The following PPRC1 variants were observed in gnomAD, a reference collection of about 807,000 sequenced individuals.
PPRC1 encodes PPARG related coactivator 1.
In PPRC1, 23 loss-of-function variants were observed where a neutral mutation model predicts 132.5. The observed-to-expected ratio is 0.17, with a 90% confidence interval of 0.12 to 0.25. The LOEUF (loss-of-function observed/expected upper bound fraction) is 0.25, where lower values mean the gene tolerates loss of function less well. Among genes scored for constraint, PPRC1 ranks in the 10% least tolerant of loss-of-function variants. The pLI is 1.00. For missense variants in PPRC1, 2,006 were observed against 2,089.1 expected (o/e 0.96, Z 0.78); for synonymous variants, 872 against 833.5 (o/e 1.05, Z -0.80).
chr10:102,148,849 A>G lies in PPRC1; in HGVS notation c.4650A>G (p.Ile1550Met). The change falls in exon 12 of 14, where the codon ATA becomes ATG. Residue 1550 changes from isoleucine to methionine, a missense_variant. Around this residue, in one of 2 missense-constraint regions of PPRC1, gnomAD observed 92 missense variants for 171.9 expected, o/e 0.54. Coordinates refer to ENST00000278070, the MANE Select transcript of PPRC1 (RefSeq NM_015062.5). The surrounding 1 kb of genome is among the most constrained non-coding windows in gnomAD (Gnocchi z 4.2). ...EERRVVFIGK[I>M]PGRMTRSELK... ...GAAGGGTGGTCTTCATTGGAAAGAT[A>G]CCTGGCCGCATGACTCGATCAGAGC... 1 of 1,614,086 alleles carries G rather than the reference A, an allele frequency of 6.2e-7. No individual in the cohort carries two copies. The highest frequency in any genetic ancestry group is 1.1e-5 in the South Asian group (1 of 91,072).
At chr10:102,127,552 A>G in the PPRC1 span, among the ~76,000 whole-genome samples, 11 of 151,044 alleles carry the variant, frequency 7.3e-5, no homozygotes, top group African/African-American at 2.5e-4. Flanking sequence ...GATTACAGGC[A>G]AGTGCTACCA....
chr10:102,121,142 G>T, the PPRC1 span, among the ~76,000 whole-genome samples: 1 of 152,122 alleles, frequency 6.6e-6, no homozygotes, highest in East Asian at 1.9e-4. Context: ...TGTTTTGCTG[G>T]GGGGAGGGGG....
intron 6 of PPRC1, among the ~76,000 whole-genome samples, chr10:102,143,827 T>C (rs927542246): frequency 3.3e-5 from 5 of 152,196 alleles, no homozygotes; most frequent in South Asian, 4.1e-4. Context: ...ATGTAGGTGC[T>C]ATGGAGGACA....
chr10:102,139,202 C>A lies in PPRC1; in HGVS notation c.694C>A (p.Pro232Thr). The change falls in exon 5 of 14, where the codon CCA (proline) becomes ACA (threonine). Residue 232 changes from proline to threonine, a missense_variant. Physicochemically the swap from Pro to Thr is conservative, Grantham distance 38 (BLOSUM62 -1). Transcript: ENST00000278070. ...LPSWRPPRSR[P>T]RWGQSPPPQQ... ...TAGCTGGAGACCCCCAAGATCAAGACCACGCTGGGGCCAATCCCCACCTCC... is the reference window on the plus strand; with the variant it reads ...TAGCTGGAGACCCCCAAGATCAAGAACACGCTGGGGCCAATCCCCACCTCC... 6.2e-7 allele frequency: 1 copy of A among 1,614,166 alleles called. No homozygotes were observed. Among genetic ancestry groups the A allele is most frequent in the Non-Finnish European group, 8.5e-7 (1 of 1,180,024 alleles).
intron 9 of PPRC1, among the ~76,000 whole-genome samples, chr10:102,147,720 A>G (rs1015151150): frequency 8.6e-5 from 13 of 152,030 alleles, no homozygotes; most frequent in African/African-American, 2.2e-4. Context: ...TCTGGGCGCT[A>G]TGTGAGGTAG....
Position 102,139,640 on chromosome 10 carries a change from G to C in PPRC1, c.1132G>C (p.Asp378His). The C allele has an allele frequency of 6.2e-7, 1 of 1,614,004 alleles. No individual in the cohort carries two copies. Among genetic ancestry groups the C allele is most frequent in the Non-Finnish European group, 8.5e-7 (1 of 1,180,030 alleles). The change falls in exon 5 of 14, where the codon GAT becomes CAT. Residue 378 changes from aspartate (D) to histidine (H), a missense_variant. Around this residue, in one of 2 missense-constraint regions of PPRC1, gnomAD observed 1,914 missense variants for 1,917.2 expected, o/e 1.00. Coordinates refer to ENST00000278070, the MANE Select transcript of PPRC1 (RefSeq NM_015062.5). ...TCCTGGACCCCGGCCTGTGCTCCTG[G>C]ATGACTCGCTAGAGACTAGTTCTGC... is the stretch of plus-strand genomic sequence containing the variant. ...VSPGPRPVLL[D>H]DSLETSSALQ...
At chr10:102,125,485 C>G in the PPRC1 span, among the ~76,000 whole-genome samples, 1 of 152,002 alleles carries the variant, frequency 6.6e-6, no homozygotes, top group Non-Finnish European at 1.5e-5. Flanking sequence ...ATCTCGATCT[C>G]TTGACCTCAT....
chr10:102,120,718 G>T, the PPRC1 span, among the ~76,000 whole-genome samples: 4 of 152,314 alleles, frequency 2.6e-5, no homozygotes, highest in East Asian at 1.9e-4. Context: ...GGGCGAAGGG[G>T]AGGGCTTGGA....
At chr10:102,129,750 A>AG (rs1361941944), upstream of PPRC1, among the ~76,000 whole-genome samples, 2 of 152,046 alleles carry the variant, frequency 1.3e-5, no homozygotes, top group Non-Finnish European at 2.9e-5. Context: ...GATTACAGGT[A>AG]GGCGCCACCA....
intron 7 of PPRC1, 69 bp from the exon 8 acceptor site, chr10:102,144,951 T>A: frequency 4.6e-6 from 6 of 1,297,004 alleles, no homozygotes; most frequent in East Asian, 2.4e-5. Flanking sequence ...CATTGATTTC[T>A]GAGAAAGGCA....
At chr10:102,130,206 G>T (rs934576667), upstream of PPRC1, among the ~76,000 whole-genome samples, 3 of 150,626 alleles carry the variant, frequency 2.0e-5, no homozygotes, top group Non-Finnish European at 3.0e-5. Context: ...CACGAGATCA[G>T]GAAATCGAGA....
At chr10:102,134,186 ATCCTC>A (rs984642882) in intron 1 of PPRC1, among the ~76,000 whole-genome samples, 11 of 152,060 alleles carry the variant, frequency 7.2e-5, no homozygotes, top group African/African-American at 2.4e-5. Flanking sequence ...GGGAAAGGGA[ATCCTC>A]TCCTCACTTT....
chr10:102,142,471 T>G (rs2133673075), intron 5 of PPRC1, among the ~76,000 whole-genome samples: 1 of 121,556 alleles, frequency 8.2e-6, no homozygotes, highest in East Asian at 2.8e-4. Context: ...CAGGCTGGAG[T>G]GCAGTGGCGT....
the PPRC1 span, chr10:102,120,502 A>G: frequency 2.0e-6 from 1 of 493,780 alleles, no homozygotes; most frequent in Non-Finnish European, 2.6e-6. Context: ...CAAGCCGGGC[A>G]GGGCCGGGCT....
At chr10:102,135,847 T>G (rs897718753) in intron 1 of PPRC1, among the ~76,000 whole-genome samples, 1 of 152,118 alleles carries the variant, frequency 6.6e-6, no homozygotes, top group Non-Finnish European at 1.5e-5. Flanking sequence ...TTGGGAGGTT[T>G]TTGAAGTTAG....
chr10:102,145,682 G>A (rs535430879), intron 8 of PPRC1, among the ~76,000 whole-genome samples: 1 of 151,662 alleles, frequency 6.6e-6, no homozygotes, highest in South Asian at 2.1e-4. Flanking sequence ...GGCTAACATG[G>A]TGAAACCCCA....
chr10:102,143,963 G>T (rs562544050), intron 6 of PPRC1, among the ~76,000 whole-genome samples: 1 of 152,320 alleles, frequency 6.6e-6, no homozygotes, highest in Non-Finnish European at 1.5e-5. Flanking sequence ...GTGAGGCCAG[G>T]AAGCTAGTTA....
chr10:102,139,959 G>A lies in PPRC1; in HGVS notation c.1451G>A (p.Arg484His), dbSNP rs200642961. 3.2e-4 allele frequency: 518 copies of A among 1,614,196 alleles called. 1 individual carries two copies. Among genetic ancestry groups the A allele is most frequent in the South Asian group, 4.8e-4 (44 of 91,082 alleles). The change falls in exon 5 of 14, where the codon CGC (arginine) becomes CAC (histidine). Residue 484 changes from arginine (R) to histidine (H), a missense_variant. Around this residue, in one of 2 missense-constraint regions of PPRC1, gnomAD observed 1,914 missense variants for 1,917.2 expected, o/e 1.00. Coordinates refer to ENST00000278070, the MANE Select transcript of PPRC1 (RefSeq NM_015062.5). ...GCCAGGAGGCTGAGGTCATCTTCTCGCGGGCAGTCTACTGTAGGTACAGAA... is the reference window on the plus strand; with the variant it reads ...GCCAGGAGGCTGAGGTCATCTTCTCACGGGCAGTCTACTGTAGGTACAGAA... ...GYARRLRSSS[R>H]GQSTVGTEVT...
Position 102,140,422 on chromosome 10 carries a change from C to G in PPRC1, c.1914C>G (p.Asp638Glu). 6.2e-7 allele frequency: 1 copy of G among 1,614,186 alleles called. No individual in the cohort carries two copies. The highest frequency in any genetic ancestry group is 8.5e-7 in the Non-Finnish European group (1 of 1,180,030). The change falls in exon 5 of 14, where the codon GAC becomes GAG. Residue 638 changes from aspartate (D) to glutamate (E), a missense_variant. Coordinates refer to ENST00000278070, the MANE Select transcript of PPRC1 (RefSeq NM_015062.5). ...EPVLINPVLA[D>E]SAAVDPAVVP... ...TGCTGATCAACCCAGTCCTGGCTGACTCAGCAGCAGTTGACCCTGCAGTGG... is the reference window on the plus strand; with the variant it reads ...TGCTGATCAACCCAGTCCTGGCTGAGTCAGCAGCAGTTGACCCTGCAGTGG...
Sources: gnomAD v4.1 joint callset for allele counts (sites outside exome capture counted in the v4.1 genomes callset) on GRCh38, gnomAD v4.1.1 for gene constraint, gnomAD v4.1.1 regional missense constraint, Gnocchi (gnomAD v3.1) non-coding constraint, MANE v1.5 for transcripts, NCBI Gene and HGNC (gene_info 2026-07-23, HGNC 2026-07-21) for gene names.